The following GPC5 variants were observed in gnomAD, a reference collection of about 807,000 sequenced individuals.
GPC5 encodes the protein glypican 5.
GPC5 carries 47 observed loss-of-function variants against 53.9 expected under a neutral mutation model. That is an observed-to-expected ratio of 0.87 (90% CI 0.69 to 1.11). The LOEUF (loss-of-function observed/expected upper bound fraction) is 1.11, where lower values mean the gene tolerates loss of function less well. Ranked by LOEUF, GPC5 falls within the 50% of genes most tolerant of loss-of-function variation. The pLI is 0.00. For synonymous variants in GPC5, 286 were observed against 263.3 expected (o/e 1.09, Z -0.84); for missense variants, 748 against 713.1 (o/e 1.05, Z -0.56).
intron 7 of GPC5, among the ~76,000 whole-genome samples, chr13:92,379,691 CT>C (rs1566564279): frequency 6.6e-6 from 1 of 151,854 alleles, no homozygotes; most frequent in Non-Finnish European, 1.5e-5. Context: ...TCTGTGCCCC[CT>C]GCATATTTGT....
intron 7 of GPC5, among the ~76,000 whole-genome samples, chr13:92,477,697 G>T (rs1879207052): frequency 6.6e-6 from 1 of 152,102 alleles, no homozygotes; most frequent in African/African-American, 2.4e-5. Flanking sequence ...CATCTGTTTT[G>T]TACACTCAAT....
rs1441737774 is a variant in GPC5 at position 91,412,798 on chromosome 13, T to C, written c.163+13589T>C. Among the ~76,000 whole-genome samples, 3 of 152,208 alleles carry C rather than the reference T, an allele frequency of 2.0e-5. No homozygotes were observed. In the East Asian group the frequency reaches 5.8e-4, roughly 29 times the overall value. On this transcript the variant is annotated intron_variant, in intron 1 of 7. Transcript: ENST00000377067. ...CTGCCTTCTGGAGAATTCCGCAGTA[T>C]GAATCAAAGTTTAAATGCTGAATAC... is the stretch of plus-strand genomic sequence containing the variant.
At chr13:91,586,507 T>C (rs1423252290) in intron 2 of GPC5, among the ~76,000 whole-genome samples, 1 of 2,886 alleles carries the variant, frequency 3.5e-4, no homozygotes, top group Non-Finnish European at 5.5e-4. Flanking sequence ...AGGATATATA[T>C]ATATATATAT....
chr13:92,548,791 T>C (rs1473238838), intron 7 of GPC5, among the ~76,000 whole-genome samples: 1 of 152,142 alleles, frequency 6.6e-6, no homozygotes, highest in South Asian at 2.1e-4. Flanking sequence ...TTTGTTAATA[T>C]CAAGTCTGCT....
chr13:91,572,083 ATATGTACATGTGTGTG>A lies in GPC5; in HGVS notation c.326-121100_326-121085del, dbSNP rs1324875010. 4.9e-4 allele frequency among the ~76,000 whole-genome samples: 67 copies of A among 136,604 alleles called. 1 individual carries two copies. Among genetic ancestry groups the A allele is most frequent in the Middle Eastern group, 4.0e-3 (1 of 250 alleles). The allele number at this position is 136,604 out of a possible 152,430, so 89.6% of individuals were successfully genotyped here. ...TATACATGTATATACACACATATGT[ATATGTACATGTGTGTG>A]TATATACACACATGTATATATACGT... On this transcript the variant is annotated intron_variant, in intron 2 of 7. Coordinates refer to ENST00000377067, the MANE Select transcript of GPC5 (RefSeq NM_004466.6).
chr13:92,678,972 C>A (rs903415914), intron 7 of GPC5, among the ~76,000 whole-genome samples: 1 of 151,838 alleles, frequency 6.6e-6, no homozygotes, highest in Non-Finnish European at 1.5e-5. Flanking sequence ...GCCAAACGTC[C>A]CTATTTAATT....
At chr13:91,410,589 G>A (rs766745870) in intron 1 of GPC5, among the ~76,000 whole-genome samples, 45 of 151,674 alleles carry the variant, frequency 3.0e-4, no homozygotes, top group African/African-American at 7.2e-4. Flanking sequence ...CTCGTGATCC[G>A]CCCGCCTTGG....
At chr13:92,773,093 G>A (rs1389458109) in intron 7 of GPC5, among the ~76,000 whole-genome samples, 1 of 152,056 alleles carries the variant, frequency 6.6e-6, no homozygotes, top group Non-Finnish European at 1.5e-5. Flanking sequence ...ATCCTTCATT[G>A]TAATACCCTT....
chr13:92,348,670 C>G (rs2043448952), intron 7 of GPC5, among the ~76,000 whole-genome samples: 1 of 152,082 alleles, frequency 6.6e-6, no homozygotes, highest in African/African-American at 2.4e-5. Flanking sequence ...GGTAGATCAC[C>G]TGTTATGACA....
chr13:91,771,982 C>T (rs2037633574), intron 5 of GPC5, among the ~76,000 whole-genome samples: 1 of 152,128 alleles, frequency 6.6e-6, no homozygotes, highest in South Asian at 2.1e-4. Context: ...TGGGTAGTTA[C>T]TGCACTGTCC....
chr13:92,672,422 T>C (rs990236044), intron 7 of GPC5, among the ~76,000 whole-genome samples: 2 of 152,182 alleles, frequency 1.3e-5, no homozygotes, highest in African/African-American at 4.8e-5. Context: ...GGAATGCTTA[T>C]ACACTGTTGG....
chr13:91,988,658 C>A (rs542723179), intron 6 of GPC5, among the ~76,000 whole-genome samples: 2 of 152,090 alleles, frequency 1.3e-5, no homozygotes, highest in Admixed American at 1.3e-4. Flanking sequence ...TGATTGGTCA[C>A]GATTTTAGCT....
At chr13:92,136,225 A>G (rs1391126016) in intron 6 of GPC5, among the ~76,000 whole-genome samples, 1 of 152,192 alleles carries the variant, frequency 6.6e-6, no homozygotes, top group Non-Finnish European at 1.5e-5. Context: ...ATTTTAAAAT[A>G]TTACGAGCTT....
At chr13:92,275,316 A>C (rs546315479) in intron 7 of GPC5, among the ~76,000 whole-genome samples, 1 of 152,296 alleles carries the variant, frequency 6.6e-6, no homozygotes, top group South Asian at 2.1e-4. Context: ...GAGCAATGTG[A>C]GCATCGCCAC....
At chr13:91,484,571 C>T (rs1883486837) in intron 2 of GPC5, among the ~76,000 whole-genome samples, 2 of 151,562 alleles carry the variant, frequency 1.3e-5, no homozygotes, top group Admixed American at 6.6e-5. Flanking sequence ...TATGTATTTT[C>T]GTATATATGT....
intron 7 of GPC5, among the ~76,000 whole-genome samples, chr13:92,620,247 G>GA (rs1381649692): frequency 2.0e-5 from 3 of 151,962 alleles, no homozygotes; most frequent in African/African-American, 7.2e-5. Flanking sequence ...AAAACTTTCA[G>GA]AAAAATATCT....
chr13:92,844,998 T>G (rs1438420327), intron 7 of GPC5, among the ~76,000 whole-genome samples: 1 of 152,116 alleles, frequency 6.6e-6, no homozygotes, highest in African/African-American at 2.4e-5. Flanking sequence ...GCTGGAGACA[T>G]TAGTGTTCCA....
chr13:91,518,013 G>A (rs181139435), intron 2 of GPC5, among the ~76,000 whole-genome samples: 1 of 152,284 alleles, frequency 6.6e-6, no homozygotes, highest in Non-Finnish European at 1.5e-5. Flanking sequence ...CGAAGACACA[G>A]CCAAACTATA....
At chr13:92,718,372 A>G (rs995507741) in intron 7 of GPC5, among the ~76,000 whole-genome samples, 1 of 152,206 alleles carries the variant, frequency 6.6e-6, no homozygotes, top group African/African-American at 2.4e-5. Flanking sequence ...TTCAGCCACA[A>G]AAAGAATGAG....
Sources: gnomAD v4.1 joint callset for allele counts (sites outside exome capture counted in the v4.1 genomes callset) on GRCh38, gnomAD v4.1.1 for gene constraint, MANE v1.5 for transcripts, NCBI Gene and HGNC (gene_info 2026-07-23, HGNC 2026-07-21) for gene names.